MYLK4: variants seen among roughly 807,000 people sequenced by gnomAD.
The protein encoded by MYLK4 is myosin light chain kinase family member 4.
MYLK4 carries 46 observed loss-of-function variants against 48.1 expected under a neutral mutation model. That is an observed-to-expected ratio of 0.96 (90% CI 0.75 to 1.22). MYLK4 has a LOEUF of 1.22. Among genes scored for constraint, MYLK4 ranks in the 50% most tolerant of loss-of-function variants. The probability of loss-of-function intolerance (pLI) is 0.00; values close to 1 mark genes in which losing one functional copy is unlikely to be tolerated. For missense variants in MYLK4, 451 were observed against 486.1 expected, an observed-to-expected ratio of 0.93 and a Z score of 0.68; for synonymous variants, 170 against 180.8, an observed-to-expected ratio of 0.94 and a Z score of 0.48.
the MYLK4 span, among the ~76,000 whole-genome samples, chr6:2,757,630 G>T: frequency 6.6e-6 from 1 of 151,620 alleles, no homozygotes; most frequent in Non-Finnish European, 1.5e-5. Flanking sequence ...TAGGGTTATT[G>T]GTTATGTGTC....
chr6:2,698,606 A>G (rs994412013), intron 2 of MYLK4, among the ~76,000 whole-genome samples: 1 of 152,246 alleles, frequency 6.6e-6, no homozygotes, highest in Non-Finnish European at 1.5e-5. Flanking sequence ...AAACAAAAGT[A>G]TAACAATTTA....
intron 7 of MYLK4, among the ~76,000 whole-genome samples, chr6:2,681,311 A>ATG (rs1193045087): frequency 6.6e-6 from 1 of 152,216 alleles, no homozygotes; most frequent in Non-Finnish European, 1.5e-5. Context: ...ATGTCTCCTT[A>ATG]TCAATATTCA....
At chr6:2,694,598 GGTGGTGATGATTGTA>G (rs1296266072) in intron 2 of MYLK4, among the ~76,000 whole-genome samples, 14 of 148,686 alleles carry the variant, frequency 9.4e-5, no homozygotes, top group Non-Finnish European at 2.1e-4. Context: ...TGGTGGTGGT[GGTGGTGATGATTGTA>G]GTGGTGATGG....
At chr6:2,699,636 G>A (rs992716778) in intron 2 of MYLK4, among the ~76,000 whole-genome samples, 5 of 152,008 alleles carry the variant, frequency 3.3e-5, no homozygotes, top group East Asian at 1.9e-4. Flanking sequence ...AGAAAAGACC[G>A]TGTGGAGCCC....
intron 2 of MYLK4, among the ~76,000 whole-genome samples, chr6:2,697,487 G>C (rs559784973): frequency 6.6e-6 from 1 of 152,300 alleles, no homozygotes; most frequent in East Asian, 1.9e-4. Context: ...GGGCGGCATC[G>C]GTCCACAGGC....
intron 4 of MYLK4, 60 bp downstream of exon 4, chr6:2,688,791 G>C: frequency 7.6e-7 from 1 of 1,323,352 alleles, no homozygotes; most frequent in Non-Finnish European, 1.1e-6. Flanking sequence ...AGACATTTAC[G>C]AAGTCATTTG....
chr6:2,687,719 C>G (rs1228952606), intron 4 of MYLK4, among the ~76,000 whole-genome samples: 1 of 152,124 alleles, frequency 6.6e-6, no homozygotes, highest in African/African-American at 2.4e-5. Flanking sequence ...CCATTCGGCA[C>G]AGGGCAAAGA....
intron 1 of MYLK4, among the ~76,000 whole-genome samples, chr6:2,749,626 G>A (rs1242626722): frequency 6.6e-6 from 1 of 152,118 alleles, no homozygotes. Context: ...CAAACAGTAA[G>A]AAGCAATGTC....
At chr6:2,768,958 C>T in the MYLK4 span, 15 of 1,416,018 alleles carry the variant, frequency 1.1e-5, no homozygotes, top group Admixed American at 4.5e-5. Context: ...ACTATACAAA[C>T]GCTAGAGACT....
chr6:2,728,978 G>A (rs1222036684), intron 2 of MYLK4, among the ~76,000 whole-genome samples: 2 of 152,168 alleles, frequency 1.3e-5, no homozygotes, highest in African/African-American at 4.8e-5. Context: ...CATAGGGCTT[G>A]GCAATAGAAT....
chr6:2,721,832 C>G (rs924554921), intron 2 of MYLK4, among the ~76,000 whole-genome samples: 7 of 152,208 alleles, frequency 4.6e-5, no homozygotes, highest in African/African-American at 1.7e-4. Context: ...GGATTCTGAA[C>G]TTGTTTGGAC....
chr6:2,736,509 C>A (rs1763679988), intron 2 of MYLK4, among the ~76,000 whole-genome samples: 1 of 152,230 alleles, frequency 6.6e-6, no homozygotes, highest in African/African-American at 2.4e-5. Context: ...TATTAAAAAT[C>A]TCACATAAGA....
intron 2 of MYLK4, among the ~76,000 whole-genome samples, chr6:2,737,978 G>GGGGA (rs1302993397): frequency 1.1e-4 from 8 of 71,174 alleles, no homozygotes; most frequent in South Asian, 1.7e-3. Context: ...TGCCGGGGGC[G>GGGGA]GGTGGGGGGG....
At chr6:2,669,753 A>G (rs1760811559) in intron 12 of MYLK4, among the ~76,000 whole-genome samples, 2 of 152,176 alleles carry the variant, frequency 1.3e-5, no homozygotes, top group Admixed American at 1.3e-4. Context: ...CCTCACAAGA[A>G]ACAACTCTCT....
In MYLK4 at chr6:2,740,508, C is replaced by T. The variant is rs149712487; in HGVS notation, c.159+8628G>A. ...TCAGTGCCAATTGCCTGCTTCAGTC[C>T]TATGGGCAGGTGGCTCTGAGGTCAT... On this transcript the variant is annotated intron_variant, in intron 2 of 12. Coordinates refer to ENST00000274643, the MANE Select transcript of MYLK4 (RefSeq NM_001012418.5). Among the ~76,000 whole-genome samples, 45 of 152,344 alleles carry T rather than the reference C, an allele frequency of 3.0e-4. No homozygotes were observed. The East Asian group carries it at 8.5e-3, about 29-fold the overall frequency.
chr6:2,682,700 CTGA>C (rs1761358467), intron 7 of MYLK4, among the ~76,000 whole-genome samples: 1 of 152,198 alleles, frequency 6.6e-6, no homozygotes, highest in South Asian at 2.1e-4. Flanking sequence ...CCTACTTGTC[CTGA>C]TGAGAGGGCT....
intron 3 of MYLK4, 141 bp downstream of exon 3, chr6:2,692,642 AG>A (rs5873836): frequency 0.46 from 95,311 of 209,150 alleles, 14,718 homozygotes; most frequent in Admixed American, 0.54. Flanking sequence ...AAAAAAAAAA[AG>A]GGGGGGGGGG....
At chr6:2,768,610 C>G in the MYLK4 span, 1 of 1,229,776 alleles carries the variant, frequency 8.1e-7, no homozygotes. Flanking sequence ...AATAGTGATG[C>G]TGCGTGTGGT....
At chr6:2,710,465 C>T (rs760272246) in intron 2 of MYLK4, among the ~76,000 whole-genome samples, 1 of 152,210 alleles carries the variant, frequency 6.6e-6, no homozygotes, top group Non-Finnish European at 1.5e-5. Context: ...CTAAAACTCA[C>T]CAGGTCACCA....
Sources: gnomAD v4.1 joint callset for allele counts (sites outside exome capture counted in the v4.1 genomes callset) on GRCh38, gnomAD v4.1.1 for gene constraint, MANE v1.5 for transcripts, NCBI Gene and HGNC (gene_info 2026-07-23, HGNC 2026-07-21) for gene names.